SDK1: variants seen among roughly 807,000 people sequenced by gnomAD.
SDK1 encodes protein sidekick-1.
SDK1 carries 157 observed loss-of-function variants against 245.5 expected under a neutral mutation model. The ratio of observed to expected loss-of-function variants is 0.64; its 90% CI spans 0.56 to 0.73. The LOEUF (loss-of-function observed/expected upper bound fraction) is 0.73. Among genes scored for constraint, SDK1 ranks in the 30% least tolerant of loss-of-function variants. The probability of loss-of-function intolerance (pLI) is 0.00; values close to 1 mark genes in which losing one functional copy is unlikely to be tolerated. For missense variants in SDK1, 3,583 were observed against 3,002.3 expected (o/e 1.19, Z -4.52); for synonymous variants, 1,647 against 1,278.5 (o/e 1.29, Z -6.15).
chr7:4,223,941 G>A (rs1207780515), intron 40 of SDK1, among the ~76,000 whole-genome samples: 1 of 152,206 alleles, frequency 6.6e-6, no homozygotes. Flanking sequence ...GCTGGACCTT[G>A]TTGGCTAATG....
chr7:3,663,041 A>T (rs1181740731), intron 4 of SDK1, among the ~76,000 whole-genome samples: 2 of 152,218 alleles, frequency 1.3e-5, no homozygotes, highest in African/African-American at 4.8e-5. Flanking sequence ...TGTATGTATC[A>T]ATCAGATAGT....
intron 1 of SDK1, among the ~76,000 whole-genome samples, chr7:3,464,879 C>T (rs1295336289): frequency 6.6e-6 from 1 of 151,890 alleles, no homozygotes; most frequent in Admixed American, 6.6e-5. Context: ...TAAATTTGTC[C>T]TTGGGAAACA....
intron 17 of SDK1, among the ~76,000 whole-genome samples, chr7:4,047,926 T>A (rs6942571): frequency 0.064 from 9,764 of 152,252 alleles, 382 homozygotes; most frequent in South Asian, 0.15. Flanking sequence ...AACCCACACA[T>A]TTTACAGGAT....
chr7:4,042,142 C>T (rs913741421), intron 17 of SDK1, among the ~76,000 whole-genome samples: 1 of 135,936 alleles, frequency 7.4e-6, no homozygotes, highest in Admixed American at 6.9e-5. Context: ...TGGCTGTAAA[C>T]GGTGGTTTAT....
chr7:3,612,406 T>A (rs1177571353), intron 1 of SDK1, among the ~76,000 whole-genome samples: 1 of 152,180 alleles, frequency 6.6e-6, no homozygotes. Flanking sequence ...AAGATTGATA[T>A]TACTATTATG....
At chr7:3,619,516 A>G (rs529433190) in intron 2 of SDK1, among the ~76,000 whole-genome samples, 47 of 152,388 alleles carry the variant, frequency 3.1e-4, no homozygotes, top group African/African-American at 1.1e-3. Flanking sequence ...AGCAATGCCA[A>G]TAACAGCTTT....
At chr7:3,340,726 G>A (rs1389188201) in intron 1 of SDK1, among the ~76,000 whole-genome samples, 2 of 146,542 alleles carry the variant, frequency 1.4e-5, no homozygotes, top group African/African-American at 5.1e-5. Context: ...TTGGACCACT[G>A]CACTCCCTGG....
chr7:3,983,316 G>A (rs562272857), intron 13 of SDK1, among the ~76,000 whole-genome samples: 133 of 152,264 alleles, frequency 8.7e-4, no homozygotes, highest in African/African-American at 2.9e-3. Flanking sequence ...GGAAGAGTCC[G>A]TTGATGCGCC....
At chr7:3,933,706 A>G (rs1186220947) in intron 5 of SDK1, among the ~76,000 whole-genome samples, 3 of 152,208 alleles carry the variant, frequency 2.0e-5, no homozygotes, top group Non-Finnish European at 2.9e-5. Context: ...AATACGTGAG[A>G]AAAAAAGTGC....
intron 4 of SDK1, among the ~76,000 whole-genome samples, chr7:3,772,232 CAT>C (rs1265380189): frequency 6.6e-6 from 1 of 151,802 alleles, no homozygotes; most frequent in Non-Finnish European, 1.5e-5. Flanking sequence ...TGTGTAGTGA[CAT>C]GTTTGAATTT....
chr7:3,457,820 T>A (rs1377357055), intron 1 of SDK1, among the ~76,000 whole-genome samples: 1 of 152,188 alleles, frequency 6.6e-6, no homozygotes, highest in Non-Finnish European at 1.5e-5. Context: ...TTCCTTGGAC[T>A]CCATGTCTCT....
intron 1 of SDK1, among the ~76,000 whole-genome samples, chr7:3,402,372 C>T (rs1264340648): frequency 2.6e-5 from 4 of 152,116 alleles, no homozygotes; most frequent in Non-Finnish European, 4.4e-5. Flanking sequence ...CACTCGGAAG[C>T]ACAATGTTTA....
At chr7:3,939,786 C>A (rs1461371815) in intron 5 of SDK1, among the ~76,000 whole-genome samples, 1 of 152,250 alleles carries the variant, frequency 6.6e-6, no homozygotes, top group Non-Finnish European at 1.5e-5. Flanking sequence ...ATCCGACACA[C>A]CTGTTGCTCT....
chr7:3,374,876 G>T (rs142655679), intron 1 of SDK1, among the ~76,000 whole-genome samples: 48 of 152,234 alleles, frequency 3.2e-4, no homozygotes, highest in African/African-American at 1.1e-3. Flanking sequence ...ACAGCACTTA[G>T]GTGTAATCAT....
intron 4 of SDK1, among the ~76,000 whole-genome samples, chr7:3,793,675 C>G (rs1218940145): frequency 6.6e-6 from 1 of 152,208 alleles, no homozygotes; most frequent in East Asian, 1.9e-4. Context: ...CCTTCCACTC[C>G]TCTGCCACTT....
At chr7:3,593,044 T>C (rs1042933895) in intron 1 of SDK1, among the ~76,000 whole-genome samples, 6 of 152,136 alleles carry the variant, frequency 3.9e-5, no homozygotes, top group African/African-American at 1.4e-4. Context: ...CAAGTGGAAA[T>C]CAGTGGAGAT....
intron 1 of SDK1, among the ~76,000 whole-genome samples, chr7:3,410,578 CTTTTTTTTTTTTT>C (rs776277920): frequency 4.9e-5 from 4 of 82,058 alleles, no homozygotes; most frequent in African/African-American, 1.6e-4. Flanking sequence ...GAAATGATAT[CTTTTTTTTTTTTT>C]TTTTTTTTTT....
chr7:4,170,536 G>T (rs1479961728), intron 32 of SDK1, among the ~76,000 whole-genome samples: 1 of 152,134 alleles, frequency 6.6e-6, no homozygotes, highest in Non-Finnish European at 1.5e-5. Context: ...GCACACACAG[G>T]ATTTCCACCA....
chr7:4,214,668 G>T (rs1053136210), intron 38 of SDK1, among the ~76,000 whole-genome samples: 6 of 152,174 alleles, frequency 3.9e-5, no homozygotes, highest in African/African-American at 1.4e-4. Flanking sequence ...TGGGCTTGCT[G>T]GGGGCTTGGG....
Sources: gnomAD v4.1 joint callset for allele counts (sites outside exome capture counted in the v4.1 genomes callset) on GRCh38, gnomAD v4.1.1 for gene constraint, MANE v1.5 for transcripts, NCBI Gene and HGNC (gene_info 2026-07-23, HGNC 2026-07-21) for gene names.